SEMA3D: variants seen among roughly 807,000 people sequenced by gnomAD.
SEMA3D encodes the protein semaphorin-3D.
Under a neutral mutation model 100.1 loss-of-function variants are expected in SEMA3D, and 84 were observed. The ratio of observed to expected loss-of-function variants is 0.84; its 90% CI spans 0.70 to 1.01. The LOEUF (loss-of-function observed/expected upper bound fraction) is 1.01, where lower values mean the gene tolerates loss of function less well. Among genes scored for constraint, SEMA3D ranks in the 50% least tolerant of loss-of-function variants. SEMA3D has a pLI of 0.00. For missense variants in SEMA3D, 875 were observed against 934.1 expected, an observed-to-expected ratio of 0.94 and a Z score of 0.82; for synonymous variants, 312 against 320.7, an observed-to-expected ratio of 0.97 and a Z score of 0.29.
chr7:85,204,927 G>T, the SEMA3D span, among the ~76,000 whole-genome samples: 1 of 151,962 alleles, frequency 6.6e-6, no homozygotes, highest in Non-Finnish European at 1.5e-5. Flanking sequence ...GTAACATCAG[G>T]AGCTAGAGAA....
Position 84,998,833 on chromosome 7 carries a change from T to C in SEMA3D, c.*607A>G, listed in dbSNP as rs891951193. On this transcript the variant is annotated 3_prime_UTR_variant, in exon 19 of 19. Coordinates refer to ENST00000284136, the MANE Select transcript of SEMA3D (RefSeq NM_001384900.1). The stretch of plus-strand genomic sequence containing the variant: ...AATCCTGGGGGAAACATTAGTGCCC[T>C]TCAGTAAATCAATGTTGTAGTACAC... 1.7e-4 allele frequency: 26 copies of C among 152,828 alleles called. No individual in the cohort carries two copies. Among genetic ancestry groups the C allele is most frequent in the African/African-American group, 5.8e-4 (24 of 41,444 alleles). 9.5% of individuals were successfully genotyped at this position (152,828 alleles called of 1,614,324 possible).
chr7:85,231,442 T>A, the SEMA3D span, among the ~76,000 whole-genome samples: 2 of 38,308 alleles, frequency 5.2e-5, no homozygotes, highest in South Asian at 3.2e-3. Context: ...TTCCCTTTTT[T>A]TTTTTTTTTT....
chr7:85,101,337 C>A (rs927400655), intron 3 of SEMA3D, among the ~76,000 whole-genome samples: 1 of 151,926 alleles, frequency 6.6e-6, no homozygotes, highest in African/African-American at 2.4e-5. Flanking sequence ...GTTTCAAGTG[C>A]CTATGAATAA....
chr7:85,241,709 A>T, the SEMA3D span, among the ~76,000 whole-genome samples: 1 of 151,124 alleles, frequency 6.6e-6, no homozygotes, highest in Non-Finnish European at 1.5e-5. Context: ...AAAAACTAAA[A>T]ATTGGGTTCA....
At chr7:85,064,466 CAAAT>C (rs1250247925) in intron 8 of SEMA3D, among the ~76,000 whole-genome samples, 1 of 152,102 alleles carries the variant, frequency 6.6e-6, no homozygotes, top group Non-Finnish European at 1.5e-5. Flanking sequence ...GTTGTATAAA[CAAAT>C]AGATCTGGAG....
At chr7:85,037,088 T>C in intron 11 of SEMA3D, 55 bp from the exon 12 acceptor site, 1 of 1,564,760 alleles carries the variant, frequency 6.4e-7, no homozygotes. Context: ...CAATAAACAT[T>C]GACTGAGCAC....
chr7:85,246,259 T>C, the SEMA3D span, among the ~76,000 whole-genome samples: 1 of 152,202 alleles, frequency 6.6e-6, no homozygotes, highest in Admixed American at 6.5e-5. Flanking sequence ...AAGATAAGAT[T>C]ATTTAAGGCA....
upstream of SEMA3D, among the ~76,000 whole-genome samples, chr7:85,189,454 T>C (rs1184321529): frequency 6.6e-6 from 1 of 152,168 alleles, no homozygotes; most frequent in African/African-American, 2.4e-5. Context: ...TCTAAATTCT[T>C]AAAATAAAAC....
At chr7:85,086,803 C>T (rs1788230641) in intron 4 of SEMA3D, among the ~76,000 whole-genome samples, 1 of 151,932 alleles carries the variant, frequency 6.6e-6, no homozygotes, top group African/African-American at 2.4e-5. Flanking sequence ...GGCTGAAGTT[C>T]CAGCATTGTT....
chr7:85,114,899 TATTTG>T (rs1789194180), intron 3 of SEMA3D, among the ~76,000 whole-genome samples: 2 of 152,196 alleles, frequency 1.3e-5, no homozygotes, highest in African/African-American at 2.4e-5. Flanking sequence ...ATAATTTATA[TATTTG>T]ATTTAATATT....
intron 2 of SEMA3D, among the ~76,000 whole-genome samples, chr7:85,153,124 C>T (rs550009092): frequency 3.4e-4 from 52 of 152,202 alleles, no homozygotes; most frequent in African/African-American, 1.1e-3. Flanking sequence ...CCCTGCAGAG[C>T]CCTACTATAC....
intron 1 of SEMA3D, among the ~76,000 whole-genome samples, chr7:85,159,092 T>C (rs1310172217): frequency 6.6e-6 from 1 of 152,162 alleles, no homozygotes; most frequent in African/African-American, 2.4e-5. Context: ...TTTCGTCTGT[T>C]TTTTCCTCAT....
At chr7:85,204,247 C>A in the SEMA3D span, among the ~76,000 whole-genome samples, 1 of 151,310 alleles carries the variant, frequency 6.6e-6, no homozygotes, top group Admixed American at 6.6e-5. Flanking sequence ...GAGAGCAGGA[C>A]TTTTCCAACT....
At chr7:85,043,178 T>C (rs1181098313) in intron 9 of SEMA3D, among the ~76,000 whole-genome samples, 1 of 152,034 alleles carries the variant, frequency 6.6e-6, no homozygotes, top group Non-Finnish European at 1.5e-5. Context: ...GTCAACATAG[T>C]GGGATCTCAT....
intron 2 of SEMA3D, chr7:85,141,285 A>G: frequency 1.0e-6 from 1 of 984,378 alleles, no homozygotes; most frequent in African/African-American, 1.7e-5. Context: ...AAATGCTTTA[A>G]CCTCTTCAGG....
At chr7:85,021,971 T>C (rs1000181821) in intron 13 of SEMA3D, among the ~76,000 whole-genome samples, 8 of 151,814 alleles carry the variant, frequency 5.3e-5, no homozygotes, top group Non-Finnish European at 7.4e-5. Context: ...CTTTACAAAG[T>C]AATGTTTAAT....
chr7:85,221,785 G>T, the SEMA3D span, among the ~76,000 whole-genome samples: 4 of 151,914 alleles, frequency 2.6e-5, no homozygotes, highest in African/African-American at 9.7e-5. Context: ...CAAAAACTGT[G>T]AAGGATTAAT....
At chr7:85,214,956 G>A in the SEMA3D span, among the ~76,000 whole-genome samples, 1 of 152,056 alleles carries the variant, frequency 6.6e-6, no homozygotes, top group Admixed American at 6.6e-5. Flanking sequence ...TTTTCCTATA[G>A]AAAGAGTAGG....
At chr7:85,249,712 T>C in the SEMA3D span, among the ~76,000 whole-genome samples, 6 of 152,230 alleles carry the variant, frequency 3.9e-5, no homozygotes, top group Non-Finnish European at 7.3e-5. Flanking sequence ...ACTATATAAC[T>C]GAAAGAACTG....
Sources: allele counts gnomAD v4.1 joint callset (sites outside exome capture counted in the v4.1 genomes callset), GRCh38; gene constraint gnomAD v4.1.1; transcripts MANE v1.5; gene names NCBI Gene and HGNC (gene_info 2026-07-23, HGNC 2026-07-21).